ZNF750: variants seen among roughly 807,000 people sequenced by gnomAD.
ZNF750 encodes protein ZNF750.
Under a neutral mutation model 31.6 loss-of-function variants are expected in ZNF750, and 10 were observed. The observed-to-expected ratio is 0.32, with a 90% CI of 0.19 to 0.54. The LOEUF (loss-of-function observed/expected upper bound fraction) is 0.54. ZNF750 is among the 20% of genes least tolerant of loss of function. The pLI, the probability that ZNF750 is intolerant of heterozygous loss-of-function variation, is 0.95. For synonymous variants in ZNF750, 400 were observed against 404.9 expected (o/e 0.99, Z 0.15); for missense variants, 914 against 934.9 (o/e 0.98, Z 0.29).
intron 1 of ZNF750, among the ~76,000 whole-genome samples, chr17:82,836,701 AAAC>A (rs988499590): frequency 4.0e-5 from 6 of 148,598 alleles, no homozygotes; most frequent in Admixed American, 6.6e-5. Context: ...AAAAAAAACA[AAAC>A]AAAACAAAAC....
chr17:82,832,176 A>G lies in ZNF750; in HGVS notation c.279T>C (p.Asn93=), dbSNP rs777619576. 8 of 1,614,208 alleles carry G rather than the reference A, an allele frequency of 5.0e-6. No individual in the cohort carries two copies. The highest frequency in any genetic ancestry group is 6.8e-6 in the Non-Finnish European group (8 of 1,180,040). ...GCTTCGAGTCGAAGGCAGAGAGTCC[A>G]TTTGCGACAGACTTGGAAGAGGCTG... The part of the protein sequence containing the change: ...AKPASSKSVA[N]GLSAFDSKLQ... Residue 93 remains asparagine, a synonymous_variant, in exon 2 of 3, where the codon AAT becomes AAC. Coordinates refer to ENST00000269394, the MANE Select transcript of ZNF750 (RefSeq NM_024702.3). This position sits in a 1 kb window ranked among gnomAD's most constrained non-coding sequence, Gnocchi z 4.9.
intron 1 of ZNF750, among the ~76,000 whole-genome samples, chr17:82,836,241 G>A (rs1231751221): frequency 1.3e-5 from 2 of 152,248 alleles, no homozygotes; most frequent in South Asian, 2.1e-4. Flanking sequence ...GGGCCAGCCA[G>A]CTCAGTCAGT....
intron 1 of ZNF750, among the ~76,000 whole-genome samples, chr17:82,838,295 G>A (rs1347659749): frequency 1.3e-5 from 2 of 151,950 alleles, no homozygotes; most frequent in African/African-American, 2.4e-5. Context: ...AAGCTTCTAA[G>A]GAGTTTGAAC....
At position 82,833,075 on chromosome 17, in the gene ZNF750, G is replaced by T. The variant is rs2053659880; in HGVS notation, c.-182-439C>A. On this transcript the variant is annotated intron_variant, in intron 1 of 2. Coordinates refer to ENST00000269394, the MANE Select transcript of ZNF750 (RefSeq NM_024702.3). The surrounding 1 kb of genome is among the most constrained non-coding windows in gnomAD (Gnocchi z 4.7). ...CCAGGGCTGCCCGACTCTGCTTGGG[G>T]GTTACACGCTTGAAGCAGTGGGTGT... Among the ~76,000 whole-genome samples the T allele has an allele frequency of 6.6e-6, 1 of 152,080 alleles. No homozygotes were observed. The highest frequency in any genetic ancestry group is 2.1e-4 in the South Asian group (1 of 4,816).
intron 1 of ZNF750, among the ~76,000 whole-genome samples, chr17:82,834,183 G>A (rs1346217563): frequency 6.6e-6 from 1 of 152,116 alleles, no homozygotes; most frequent in East Asian, 1.9e-4. Context: ...CCTGACCTCA[G>A]GTGATCCACC....
At chr17:82,839,005 A>G (rs1015312645) in intron 1 of ZNF750, 2 of 982,602 alleles carry the variant, frequency 2.0e-6, no homozygotes, top group African/African-American at 1.7e-5. Context: ...GAAATTTCAT[A>G]TAAGGAAAAA....
Position 82,830,650 on chromosome 17 carries a change from A to G in ZNF750, c.1664T>C (p.Val555Ala), listed in dbSNP as rs1444981995. Residue 555 changes from valine to alanine, a missense_variant, in exon 3 of 3, where the codon GTG (valine) becomes GCG (alanine). Physicochemically the swap from Val to Ala is moderately conservative, Grantham distance 64 (BLOSUM62 0). Coordinates refer to ENST00000269394, the MANE Select transcript of ZNF750 (RefSeq NM_024702.3). ...AGCCTGGGTGTTACAGGGGTCCTTC[A>G]CCGAGAGATTGAGTGGAAGGTCCTG... ...ELQDLPLNLS[V>A]KDPCNTQAPR... 6.2e-7 allele frequency: 1 copy of G among 1,613,844 alleles called. No homozygotes were observed. Among genetic ancestry groups the G allele is most frequent in the Non-Finnish European group, 8.5e-7 (1 of 1,179,938 alleles).
intron 1 of ZNF750, among the ~76,000 whole-genome samples, chr17:82,836,452 AC>A (rs1420511975): frequency 6.6e-6 from 1 of 152,238 alleles, no homozygotes; most frequent in East Asian, 1.9e-4. Flanking sequence ...TCCTCGCGAG[AC>A]CGAAACGCCG....
intron 1 of ZNF750, among the ~76,000 whole-genome samples, chr17:82,834,022 G>T (rs1567857955): frequency 6.6e-6 from 1 of 151,836 alleles, no homozygotes; most frequent in African/African-American, 2.4e-5. Flanking sequence ...TCAGCTCACT[G>T]CAACCTCCGC....
chr17:82,836,698 AC>A (rs1414114527), intron 1 of ZNF750, among the ~76,000 whole-genome samples: 3 of 143,174 alleles, frequency 2.1e-5, no homozygotes, highest in Admixed American at 6.7e-5. Context: ...AAAAAAAAAA[AC>A]AAAACAAAAC....
rs745436453 is a variant in ZNF750, at chr17:82,830,493, G to A, written c.1821C>T (p.Asp607=). 3.7e-6 allele frequency: 6 copies of A among 1,613,318 alleles called. No individual in the cohort carries two copies. The African/African-American group carries it at 5.3e-5, about 14-fold the overall frequency. The part of the protein sequence containing the change: ...PETKPGSLDG[D]GAPPTGPGEE... ...CGCCGGGGCCTGTGGGTGGGGCCCCGTCACCGTCGAGGCTGCCTGGCTTGG... is the reference window on the plus strand; with the variant it reads ...CGCCGGGGCCTGTGGGTGGGGCCCCATCACCGTCGAGGCTGCCTGGCTTGG... Residue 607 remains aspartate, a synonymous_variant, in exon 3 of 3, where the codon GAC becomes GAT. Transcript: ENST00000269394.
chr17:82,839,352 CAT>C (rs1305689424), intron 1 of ZNF750, among the ~76,000 whole-genome samples: 3 of 151,440 alleles, frequency 2.0e-5, no homozygotes, highest in African/African-American at 4.9e-5. Context: ...ACCACACACA[CAT>C]ATATATAACC....
In ZNF750 at chr17:82,831,200, C is replaced by G. The variant is rs765397272; in HGVS notation, c.1255G>C (p.Asp419His). ...TGSPGRPSPT[D>H]FMQTSQTCEG... The stretch of plus-strand genomic sequence containing the variant: ...CAGGTCTGGCTCGTCTGCATGAAGT[C>G]GGTGGGGCTCGGCCTCCCTGGGGAG... The change falls in exon 2 of 3, where the codon GAC becomes CAC. Residue 419 changes from aspartate (D) to histidine (H), a missense_variant. By Grantham distance (81) the Asp-to-His change is moderately conservative. This residue lies in a region of ZNF750 where 880 missense variants were observed against 868.9 expected (regional missense o/e 1.01). Coordinates refer to ENST00000269394, the MANE Select transcript of ZNF750 (RefSeq NM_024702.3). This position sits in a 1 kb window ranked among gnomAD's most constrained non-coding sequence, Gnocchi z 4.6. 1.2e-6 allele frequency: 2 copies of G among 1,614,074 alleles called. No homozygotes were observed. Among genetic ancestry groups the G allele is most frequent in the Non-Finnish European group, 1.7e-6 (2 of 1,180,032 alleles).
Position 82,832,652 on chromosome 17 carries a change from G to A in ZNF750, c.-182-16C>T. 1.6e-6 allele frequency: 1 copy of A among 620,824 alleles called. No homozygotes were observed. Among genetic ancestry groups the A allele is most frequent in the Admixed American group, 2.8e-5 (1 of 36,110 alleles). The allele number at this position is 620,824 out of a possible 1,614,324, so 38.5% of individuals were successfully genotyped here. On this transcript the variant is annotated splice_polypyrimidine_tract_variant and intron_variant, in intron 1 of 2. Coordinates refer to ENST00000269394, the MANE Select transcript of ZNF750 (RefSeq NM_024702.3). This position sits in a 1 kb window ranked among gnomAD's most constrained non-coding sequence, Gnocchi z 4.9. Reference sequence around the variant, plus strand: ...CGGCTGGGAGCTGTAATAAAGAGCAGTCTTGGTGTCAGGACAGCGAGTGAG... The same window carrying A: ...CGGCTGGGAGCTGTAATAAAGAGCAATCTTGGTGTCAGGACAGCGAGTGAG...
chr17:82,834,069 C>T (rs1025087981), intron 1 of ZNF750, among the ~76,000 whole-genome samples: 6 of 152,156 alleles, frequency 3.9e-5, no homozygotes, highest in Non-Finnish European at 7.4e-5. Context: ...CTCAGCCTCC[C>T]GAGTAGCTGG....
rs376787014 is a variant in ZNF750 at position 82,830,472 on chromosome 17, G to A, written c.1842C>T (p.Pro614=). 14 of 1,612,828 alleles carry A rather than the reference G, an allele frequency of 8.7e-6. No homozygotes were observed. Among genetic ancestry groups the A allele is most frequent in the East Asian group, 6.7e-5 (3 of 44,892 alleles). ...LDGDGAPPTG[P]GEEAPDACAV... Reference sequence around the variant, plus strand: ...CGCATGCGTCTGGAGCCTCCTCGCCGGGGCCTGTGGGTGGGGCCCCGTCAC... The same window carrying A: ...CGCATGCGTCTGGAGCCTCCTCGCCAGGGCCTGTGGGTGGGGCCCCGTCAC... The change falls in exon 3 of 3, where the codon CCC becomes CCT. Residue 614 remains proline (P), a synonymous_variant. Transcript: ENST00000269394.
In ZNF750 at chr17:82,829,793, G is replaced by T; in HGVS notation, c.*349C>A. 1 of 265,946 alleles carries T rather than the reference G, an allele frequency of 3.8e-6. No homozygotes were observed. Among genetic ancestry groups the T allele is most frequent in the Non-Finnish European group, 7.2e-6 (1 of 139,044 alleles). 16.5% of individuals were successfully genotyped at this position (265,946 alleles called of 1,614,324 possible). On this transcript the variant is annotated 3_prime_UTR_variant, in exon 3 of 3. Transcript: ENST00000269394. ...GTCATTTACATCAAATATGCAGCTA[G>T]AGCTAATAGAAAAACAGTTAAAACA...
At position 82,830,365 on chromosome 17, in the gene ZNF750, C is replaced by G; in HGVS notation, c.1949G>C (p.Arg650Pro). 2 of 1,613,256 alleles carry G rather than the reference C, an allele frequency of 1.2e-6. No individual in the cohort carries two copies. Among genetic ancestry groups the G allele is most frequent in the African/African-American group, 1.3e-5 (1 of 75,058 alleles). Residue 650 changes from arginine to proline, a missense_variant, in exon 3 of 3, where the codon CGG becomes CCG. This residue lies in a region of ZNF750 where 880 missense variants were observed against 868.9 expected (regional missense o/e 1.01). Coordinates refer to ENST00000269394, the MANE Select transcript of ZNF750 (RefSeq NM_024702.3). ...GGCCGCAGCATCCCCATCGCCCACC[C>G]GGATGTTCCTGGGGCTGTAGGCCGC... ...QLAAYSPRNIRVGDGDAAAPE... is the reference protein window; with the variant it reads ...QLAAYSPRNIPVGDGDAAAPE...
At position 82,832,675 on chromosome 17, in the gene ZNF750, G is replaced by T; in HGVS notation, c.-182-39C>A. On this transcript the variant is annotated intron_variant, in intron 1 of 2. Coordinates refer to ENST00000269394, the MANE Select transcript of ZNF750 (RefSeq NM_024702.3). The surrounding 1 kb of genome is among the most constrained non-coding windows in gnomAD (Gnocchi z 4.9). ...CAGTCTTGGTGTCAGGACAGCGAGT[G>T]AGGGGTCGGCGAGAAGCCGGCCTCG... The T allele has an allele frequency of 1.7e-6, 1 of 590,388 alleles. No individual in the cohort carries two copies. The highest frequency in any genetic ancestry group is 3.0e-6 in the Non-Finnish European group (1 of 333,280). The allele number at this position is 590,388 out of a possible 1,614,324, so 36.6% of individuals were successfully genotyped here. A position where few individuals can be genotyped will look rare whatever the true frequency, so the allele number is the denominator to read the frequency against.
Sources: allele counts gnomAD v4.1 joint callset (sites outside exome capture counted in the v4.1 genomes callset), GRCh38; gene constraint gnomAD v4.1.1; regional missense constraint gnomAD v4.1.1; non-coding constraint Gnocchi (gnomAD v3.1); transcripts MANE v1.5; gene names NCBI Gene and HGNC (gene_info 2026-07-23, HGNC 2026-07-21).